Variants in MYRIP observed in about 807,000 individuals in gnomAD.
MYRIP encodes myosin VIIA and Rab interacting protein, also known as rab effector MyRIP.
Under a neutral mutation model 98.0 loss-of-function variants are expected in MYRIP, and 49 were observed. The ratio of observed to expected loss-of-function variants is 0.50; its 90% CI spans 0.40 to 0.63. The LOEUF (loss-of-function observed/expected upper bound fraction) is 0.63. MYRIP is among the 30% of genes least tolerant of loss of function. The pLI is 0.00. For missense variants in MYRIP, 1,004 were observed against 1,058.2 expected, an observed-to-expected ratio of 0.95 and a Z score of 0.71; for synonymous variants, 404 against 409.5, an observed-to-expected ratio of 0.99 and a Z score of 0.16.
At chr3:40,237,018 A>T (rs936055894) in intron 12 of MYRIP, among the ~76,000 whole-genome samples, 10 of 152,128 alleles carry the variant, frequency 6.6e-5, no homozygotes, top group Non-Finnish European at 1.0e-4. Flanking sequence ...ACAAGAAATA[A>T]AAATTTTTTG....
At chr3:40,021,839 A>G (rs2125807584) in intron 2 of MYRIP, among the ~76,000 whole-genome samples, 1 of 152,362 alleles carries the variant, frequency 6.6e-6, no homozygotes, top group South Asian at 2.1e-4. Context: ...TTATTCAGAA[A>G]TAAGAATCCT....
chr3:39,916,808 C>T (rs1435668959), intron 2 of MYRIP, among the ~76,000 whole-genome samples: 3 of 151,718 alleles, frequency 2.0e-5, no homozygotes, highest in East Asian at 1.9e-4. Context: ...AATATAAAAC[C>T]GGCCATAAAT....
At chr3:39,958,335 A>G (rs1028563209) in intron 2 of MYRIP, among the ~76,000 whole-genome samples, 3 of 152,224 alleles carry the variant, frequency 2.0e-5, no homozygotes, top group Non-Finnish European at 4.4e-5. Flanking sequence ...ACAGAGATAT[A>G]GACTGATGGA....
chr3:40,195,990 T>C (rs1316196899), intron 10 of MYRIP, among the ~76,000 whole-genome samples: 2 of 152,136 alleles, frequency 1.3e-5, no homozygotes, highest in Admixed American at 1.3e-4. Context: ...CTATTTAATC[T>C]AGATTTTCAA....
At chr3:40,221,388 T>C (rs1409845674) in intron 11 of MYRIP, among the ~76,000 whole-genome samples, 1 of 152,200 alleles carries the variant, frequency 6.6e-6, no homozygotes, top group Non-Finnish European at 1.5e-5. Flanking sequence ...GCCAACACTT[T>C]AGGAGGCCAA....
chr3:39,878,606 A>G (rs75138007), intron 1 of MYRIP, among the ~76,000 whole-genome samples: 3,216 of 152,286 alleles, frequency 0.021, 105 homozygotes, highest in African/African-American at 0.071. Context: ...TTGTATGTAT[A>G]GACATGTACA....
At chr3:40,080,467 T>C (rs1337057755) in intron 3 of MYRIP, among the ~76,000 whole-genome samples, 1 of 152,002 alleles carries the variant, frequency 6.6e-6, no homozygotes, top group Non-Finnish European at 1.5e-5. Flanking sequence ...TTTCCTGTTT[T>C]CTAAAAAAAG....
chr3:40,074,557 C>G (rs1948302471), intron 3 of MYRIP, among the ~76,000 whole-genome samples: 1 of 151,910 alleles, frequency 6.6e-6, no homozygotes, highest in African/African-American at 2.4e-5. Context: ...TGAACTAAGC[C>G]TCTAACTTAG....
At chr3:40,023,233 T>A (rs1164436788) in intron 2 of MYRIP, among the ~76,000 whole-genome samples, 1 of 152,130 alleles carries the variant, frequency 6.6e-6, no homozygotes, top group East Asian at 1.9e-4. Context: ...ATGTGGACTT[T>A]AAAAAAATCT....
At position 39,867,178 on chromosome 3, in the gene MYRIP, C is replaced by G. The variant is rs1160345419; in HGVS notation, c.-30-33609C>G. 2.0e-5 allele frequency among the ~76,000 whole-genome samples: 3 copies of G among 152,270 alleles called. No individual in the cohort carries two copies. In the East Asian group the frequency reaches 5.8e-4, roughly 29 times the overall value. ...CTTACACTACTTGGAAAAATTAACTCAAGGTGGATTAAAGGTTTAAATGTA... is the reference window on the plus strand; with the variant it reads ...CTTACACTACTTGGAAAAATTAACTGAAGGTGGATTAAAGGTTTAAATGTA... On this transcript the variant is annotated intron_variant, in intron 1 of 16. Coordinates refer to ENST00000302541, the MANE Select transcript of MYRIP (RefSeq NM_015460.4).
At chr3:40,031,039 A>C (rs1947248839) in intron 2 of MYRIP, among the ~76,000 whole-genome samples, 1 of 152,130 alleles carries the variant, frequency 6.6e-6, no homozygotes, top group Non-Finnish European at 1.5e-5. Flanking sequence ...AGGGTATATC[A>C]GTCTATTTGG....
intron 3 of MYRIP, among the ~76,000 whole-genome samples, chr3:40,047,874 T>C (rs1289313146): frequency 6.6e-6 from 1 of 152,178 alleles, no homozygotes; most frequent in Non-Finnish European, 1.5e-5. Context: ...TTTATTTATA[T>C]ATCAACAAAC....
At chr3:39,836,227 C>T (rs138999654) in intron 1 of MYRIP, among the ~76,000 whole-genome samples, 1 of 152,192 alleles carries the variant, frequency 6.6e-6, no homozygotes, top group Non-Finnish European at 1.5e-5. Flanking sequence ...AAAAGTGTTC[C>T]TCTTTCTCCA....
intron 3 of MYRIP, among the ~76,000 whole-genome samples, chr3:40,085,014 GATA>G (rs1361366845): frequency 1.3e-5 from 2 of 150,298 alleles, no homozygotes; most frequent in Non-Finnish European, 3.0e-5. Context: ...TATATCGATA[GATA>G]ATATATATCT....
chr3:40,190,463 G>A lies in MYRIP; in HGVS notation c.1665G>A (p.Gln555=). The change falls in exon 10 of 17, where the codon CAG becomes CAA. Residue 555 remains glutamine, a splice_region_variant and synonymous_variant. Transcript: ENST00000302541. ...AGCTCCGGGATCTAGACACACATCA[G>A]GTAATGGAAGTGCATGCGTGCAAAT... ...SAQLRDLDTH[Q]VSDDLSETDI... The A allele has an allele frequency of 1.3e-6, 2 of 1,576,308 alleles. No homozygotes were observed. Among genetic ancestry groups the A allele is most frequent in the Admixed American group, 1.8e-5 (1 of 55,192 alleles).
At chr3:39,897,589 G>C (rs1943641873) in intron 1 of MYRIP, among the ~76,000 whole-genome samples, 2 of 151,982 alleles carry the variant, frequency 1.3e-5, no homozygotes, top group African/African-American at 4.8e-5. Context: ...CTCTCTCCTG[G>C]GACTGATTGC....
At chr3:39,853,934 G>T (rs1369061098) in intron 1 of MYRIP, among the ~76,000 whole-genome samples, 1 of 152,096 alleles carries the variant, frequency 6.6e-6, no homozygotes, top group Non-Finnish European at 1.5e-5. Context: ...TTTATATAAA[G>T]AGATAGATGA....
chr3:39,882,863 C>G (rs894350036), intron 1 of MYRIP, among the ~76,000 whole-genome samples: 1 of 152,046 alleles, frequency 6.6e-6, no homozygotes, highest in African/African-American at 2.4e-5. Flanking sequence ...CACCTGCCCC[C>G]CCTCCGCATT....
intron 10 of MYRIP, among the ~76,000 whole-genome samples, chr3:40,197,633 T>C (rs987925256): frequency 1.3e-5 from 2 of 152,254 alleles, no homozygotes; most frequent in Non-Finnish European, 2.9e-5. Context: ...CCTTATCCTG[T>C]AGTCTTTTAG....
Sources: allele counts gnomAD v4.1 joint callset (sites outside exome capture counted in the v4.1 genomes callset), GRCh38; gene constraint gnomAD v4.1.1; transcripts MANE v1.5; gene names NCBI Gene and HGNC (gene_info 2026-07-23, HGNC 2026-07-21).